Variants in SNX21 observed in about 807,000 individuals in gnomAD.
SNX21 encodes the protein sorting nexin-21.
SNX21 carries 36 observed loss-of-function variants against 30.9 expected under a neutral mutation model. That is an observed-to-expected ratio of 1.16 (90% CI 0.89 to 1.54). The LOEUF (loss-of-function observed/expected upper bound fraction) is 1.54. Ranked by LOEUF, SNX21 falls within the 40% of genes most tolerant of loss-of-function variation. The pLI, the probability that SNX21 is intolerant of heterozygous loss-of-function variation, is 0.00. For missense variants in SNX21, 508 were observed against 516.5 expected (o/e 0.98, Z 0.16); for synonymous variants, 218 against 222.7 (o/e 0.98, Z 0.19).
chr20:45,835,865 T>C (rs1352429504), intron 3 of SNX21, among the ~76,000 whole-genome samples: 1 of 152,212 alleles, frequency 6.6e-6, no homozygotes, highest in Non-Finnish European at 1.5e-5. Flanking sequence ...GGGGAGGACC[T>C]TGGAGTCCCT....
chr20:45,838,895 T>A (rs1301909015), intron 3 of SNX21, among the ~76,000 whole-genome samples: 2 of 116,524 alleles, frequency 1.7e-5, no homozygotes, highest in Non-Finnish European at 3.5e-5. Flanking sequence ...AGAGAAGTAC[T>A]TTTTTTTTTT....
intron 3 of SNX21, among the ~76,000 whole-genome samples, chr20:45,836,753 G>T (rs6124748): frequency 0.019 from 2,864 of 152,266 alleles, 79 homozygotes; most frequent in East Asian, 0.13. Flanking sequence ...GAGGCTGAGA[G>T]GAATGGGGGT....
chr20:45,840,069 G>C, intron 3 of SNX21: 1 of 880,600 alleles, frequency 1.1e-6, no homozygotes, highest in Non-Finnish European at 1.4e-6. Context: ...AGTGGACCCA[G>C]AGGGGGACTC....
At position 45,841,813 on chromosome 20, in the gene SNX21, C is replaced by A; in HGVS notation, c.*500C>A. ...GGGGATAGATGGGAGGTTCTTGAAGCCCCAGGCGAAGCTGGTACCTCTGGC... is the reference window on the plus strand; with the variant it reads ...GGGGATAGATGGGAGGTTCTTGAAGACCCAGGCGAAGCTGGTACCTCTGGC... On this transcript the variant is annotated 3_prime_UTR_variant, in exon 4 of 4. Coordinates refer to ENST00000491381, the MANE Select transcript of SNX21 (RefSeq NM_033421.4). 6.4e-7 allele frequency: 1 copy of A among 1,571,592 alleles called. No homozygotes were observed. Among genetic ancestry groups the A allele is most frequent in the Non-Finnish European group, 8.6e-7 (1 of 1,164,100 alleles).
rs758154409 is a variant in SNX21 at position 45,842,021 on chromosome 20, TTCCTGAAAC to T, written c.*709_*717del. On this transcript the variant is annotated 3_prime_UTR_variant, in exon 4 of 4. Coordinates refer to ENST00000491381, the MANE Select transcript of SNX21 (RefSeq NM_033421.4). ...ACAGCCAAATACACTTTTTTTTTTTTTCCTGAAACAGAGTCTCACTAAGTTGCCAGGCTG... is the reference window on the plus strand; with the variant it reads ...ACAGCCAAATACACTTTTTTTTTTTTAGAGTCTCACTAAGTTGCCAGGCTG... The T allele has an allele frequency of 6.3e-7, 1 of 1,583,284 alleles. No homozygotes were observed. The highest frequency in any genetic ancestry group is 8.6e-7 in the Non-Finnish European group (1 of 1,165,922).
chr20:45,842,399 A>G lies in SNX21; in HGVS notation c.*1086A>G. On this transcript the variant is annotated 3_prime_UTR_variant, in exon 4 of 4. Coordinates refer to ENST00000491381, the MANE Select transcript of SNX21 (RefSeq NM_033421.4). Reference sequence around the variant, plus strand: ...CAGCTCGGCCAAGCAGAACTGCTGTACCTCTGACCACTTGTGTTAGGAAAA... The same window carrying G: ...CAGCTCGGCCAAGCAGAACTGCTGTGCCTCTGACCACTTGTGTTAGGAAAA... The G allele has an allele frequency of 8.2e-7, 1 of 1,212,512 alleles. No individual in the cohort carries two copies. The highest frequency in any genetic ancestry group is 1.0e-6 in the Non-Finnish European group (1 of 970,936). 75.1% of individuals were successfully genotyped at this position (1,212,512 alleles called of 1,614,324 possible).
At chr20:45,837,618 TGGGAGGCGGG>T (rs1365524304) in intron 3 of SNX21, among the ~76,000 whole-genome samples, 7 of 152,218 alleles carry the variant, frequency 4.6e-5, no homozygotes. Flanking sequence ...TTCTCAGACC[TGGGAGGCGGG>T]GAACTTCGTG....
intron 3 of SNX21, among the ~76,000 whole-genome samples, chr20:45,839,349 A>G (rs947187281): frequency 6.6e-6 from 1 of 152,138 alleles, no homozygotes; most frequent in African/African-American, 2.4e-5. Flanking sequence ...CCCCGTCTCT[A>G]CTAAAAAATA....
Position 45,833,870 on chromosome 20 carries a change from T to TGGGCTGCGGG in SNX21, c.-42_-33dup, listed in dbSNP as rs1421916199. ...CCCTGCAGAACCCGGCCGACCTCCA[T>TGGGCTGCGGG]GGGCTGCGGGGGGCTGCACCCGGAC... On this transcript the variant is annotated 5_prime_UTR_variant, in exon 1 of 4. An upstream open reading frame in the 5' UTR loses its in-frame stop. Transcript: ENST00000491381. 2 of 1,326,160 alleles carry TGGGCTGCGGG rather than the reference T, an allele frequency of 1.5e-6. No homozygotes were observed. Among genetic ancestry groups the TGGGCTGCGGG allele is most frequent in the African/African-American group, 3.1e-5 (2 of 64,758 alleles). 82.1% of individuals were successfully genotyped at this position (1,326,160 alleles called of 1,614,324 possible). A position where few individuals can be genotyped will look rare whatever the true frequency, so the allele number is the denominator to read the frequency against.
In SNX21 at chr20:45,839,432, A is replaced by G. The variant is rs956778688; in HGVS notation, c.448-1207A>G. 4.2e-4 allele frequency among the ~76,000 whole-genome samples: 63 copies of G among 151,644 alleles called. 1 individual carries two copies. The East Asian group carries it at 0.012, about 29-fold the overall frequency. On this transcript the variant is annotated intron_variant, in intron 3 of 3. Coordinates refer to ENST00000491381, the MANE Select transcript of SNX21 (RefSeq NM_033421.4). ...TCGGGAGGCTGAGGCAGGAGAATGG[A>G]GTGAACCCAGGAGGCGGAGCTTGCA...
intron 3 of SNX21, among the ~76,000 whole-genome samples, chr20:45,838,732 C>T (rs998539524): frequency 4.0e-5 from 6 of 151,712 alleles, no homozygotes; most frequent in African/African-American, 7.3e-5. Flanking sequence ...CCAGCCTGGG[C>T]GACAGGGCGA....
At chr20:45,835,138 C>G (rs773937091) in intron 3 of SNX21, 22 bp downstream of exon 3, 2 of 1,596,916 alleles carry the variant, frequency 1.3e-6, no homozygotes, top group Admixed American at 3.4e-5. Context: ...TCTAGAACCC[C>G]TGGGCTGTGA....
Position 45,842,549 on chromosome 20 carries a change from T to G in SNX21, c.*1236T>G, listed in dbSNP as rs1984299921. 1.0e-6 allele frequency: 1 copy of G among 1,001,356 alleles called. No individual in the cohort carries two copies. The highest frequency in any genetic ancestry group is 5.4e-5 in the Admixed American group (1 of 18,608). 62.0% of individuals were successfully genotyped at this position (1,001,356 alleles called of 1,614,324 possible). On this transcript the variant is annotated 3_prime_UTR_variant, in exon 4 of 4. Transcript: ENST00000491381. ...AGAGAGGACTTGAGGCCATGAGGTC[T>G]GGCCTCTTCCCTCCCCATCTGGAGA...
Position 45,840,880 on chromosome 20 carries a change from G to A in SNX21, c.689G>A (p.Arg230His), listed in dbSNP as rs370848324. ...LGHLQAVPEL[R>H]HAPDLQDFFV... Reference sequence around the variant, plus strand: ...CACCTGCAGGCAGTGCCTGAGCTGCGCCATGCCCCGGACCTGCAGGACTTC... The same window carrying A: ...CACCTGCAGGCAGTGCCTGAGCTGCACCATGCCCCGGACCTGCAGGACTTC... Residue 230 changes from arginine (R) to histidine (H), a missense_variant, in exon 4 of 4, where the codon CGC becomes CAC. By Grantham distance (29) the Arg-to-His change is conservative. Transcript: ENST00000491381. 5.0e-6 allele frequency: 8 copies of A among 1,613,546 alleles called. No homozygotes were observed. Among genetic ancestry groups the A allele is most frequent in the South Asian group, 1.1e-5 (1 of 91,088 alleles).
chr20:45,841,565 C>A lies in SNX21; in HGVS notation c.*252C>A. 1.4e-6 allele frequency: 2 copies of A among 1,389,714 alleles called. No homozygotes were observed. Among genetic ancestry groups the A allele is most frequent in the Non-Finnish European group, 1.9e-6 (2 of 1,079,610 alleles). The allele number at this position is 1,389,714 out of a possible 1,614,324, so 86.1% of individuals were successfully genotyped here. On this transcript the variant is annotated 3_prime_UTR_variant, in exon 4 of 4. Coordinates refer to ENST00000491381, the MANE Select transcript of SNX21 (RefSeq NM_033421.4). ...CTCCAGCCTATAAACAGCCGGGGGG[C>A]TGTGGCACAGGTTGGGGCAATGTTC... is the stretch of plus-strand genomic sequence containing the variant.
Position 45,842,269 on chromosome 20 carries a change from C to G in SNX21, c.*956C>G. ...TATGGACCGTCATTGAGGGGTAACT[C>G]CTCCCACAGGAACCCCAGTTGACAG... On this transcript the variant is annotated 3_prime_UTR_variant, in exon 4 of 4. Transcript: ENST00000491381. 4 of 1,430,268 alleles carry G rather than the reference C, an allele frequency of 2.8e-6. No individual in the cohort carries two copies. Among genetic ancestry groups the G allele is most frequent in the Non-Finnish European group, 3.6e-6 (4 of 1,097,788 alleles). The allele number at this position is 1,430,268 out of a possible 1,614,324, so 88.6% of individuals were successfully genotyped here.
intron 3 of SNX21, among the ~76,000 whole-genome samples, chr20:45,837,113 G>C (rs1033298471): frequency 1.3e-5 from 2 of 152,144 alleles, no homozygotes; most frequent in African/African-American, 4.8e-5. Context: ...AGGAGGCACA[G>C]GGTAAATGCT....
chr20:45,840,982 C>G lies in SNX21; in HGVS notation c.791C>G (p.Ala264Gly). The G allele has an allele frequency of 6.2e-7, 1 of 1,610,252 alleles. No individual in the cohort carries two copies. Among genetic ancestry groups the G allele is most frequent in the East Asian group, 2.2e-5 (1 of 44,836 alleles). ...GLYREALALW[A>G]NAWQLQAQLG... ...TATCGTGAGGCTCTGGCACTCTGGG[C>G]CAATGCCTGGCAGCTGCAAGCCCAG... is the stretch of plus-strand genomic sequence containing the variant. Residue 264 changes from alanine to glycine, a missense_variant, in exon 4 of 4, where the codon GCC becomes GGC. Coordinates refer to ENST00000491381, the MANE Select transcript of SNX21 (RefSeq NM_033421.4).
At position 45,841,872 on chromosome 20, in the gene SNX21, C is replaced by T. The variant is rs1180225347; in HGVS notation, c.*559C>T. On this transcript the variant is annotated 3_prime_UTR_variant, in exon 4 of 4. Transcript: ENST00000491381. ...GCTCTCTGAGACCTGGGGCTTCACT[C>T]GGATCACGCCCTCCTGGGCACAGGT... 2.7e-5 allele frequency: 43 copies of T among 1,608,470 alleles called. No homozygotes were observed. Among genetic ancestry groups the T allele is most frequent in the East Asian group, 4.5e-5 (2 of 44,800 alleles).
Sources: allele counts gnomAD v4.1 joint callset (sites outside exome capture counted in the v4.1 genomes callset), GRCh38; gene constraint gnomAD v4.1.1; transcripts MANE v1.5; gene names NCBI Gene and HGNC (gene_info 2026-07-23, HGNC 2026-07-21).